The following CPSF7 variants were observed in gnomAD, a reference collection of about 807,000 sequenced individuals.
CPSF7 encodes the protein cleavage and polyadenylation specific factor 7.
A neutral mutation model predicts 44.3 loss-of-function variants in CPSF7; 1 was observed. The observed-to-expected ratio is 0.02, with a 90% CI of 0.01 to 0.11. The LOEUF (loss-of-function observed/expected upper bound fraction) is 0.11. Among genes scored for constraint, CPSF7 ranks in the 10% least tolerant of loss-of-function variants. CPSF7 has a pLI of 1.00. For missense variants in CPSF7, 443 were observed against 607.2 expected, an observed-to-expected ratio of 0.73 and a Z score of 2.84; for synonymous variants, 202 against 222.0, an observed-to-expected ratio of 0.91 and a Z score of 0.80.
At position 61,429,955 on chromosome 11, in the gene CPSF7, G is replaced by A. The variant is rs1211934945; in HGVS notation, c.-97C>T. On this transcript the variant is annotated 5_prime_UTR_variant, in exon 1 of 10. Coordinates refer to ENST00000439958, the MANE Select transcript of CPSF7 (RefSeq NM_001142565.3). Reference sequence around the variant, plus strand: ...GCGGCGGCGAGTCCGGACTAGGCCCGAAGCGCGCGAACCGCTCTCCGCCCC... The same window carrying A: ...GCGGCGGCGAGTCCGGACTAGGCCCAAAGCGCGCGAACCGCTCTCCGCCCC... 3 of 1,346,666 alleles carry A rather than the reference G, an allele frequency of 2.2e-6. No homozygotes were observed. The highest frequency in any genetic ancestry group is 5.2e-5 in the East Asian group (2 of 38,560). 83.4% of individuals were successfully genotyped at this position (1,346,666 alleles called of 1,614,324 possible).
At position 61,421,463 on chromosome 11, in the gene CPSF7, G is replaced by T. The variant is rs1260766633; in HGVS notation, c.200C>A (p.Thr67Asn). The T allele has an allele frequency of 1.9e-6, 3 of 1,614,080 alleles. No individual in the cohort carries two copies. The highest frequency in any genetic ancestry group is 2.5e-6 in the Non-Finnish European group (3 of 1,180,050). ...QEPSPKPNNK[T>N]PAILYTYSGL... ...ACTGTAGGTATACAGAATTGCAGGG[G>T]TCTTGTTGTTGGGCTTGGGAGATGG... Residue 67 changes from threonine to asparagine, a missense_variant, in exon 3 of 10, where the codon ACC becomes AAC. Transcript: ENST00000439958.
chr11:61,424,331 CTCTTCTAT>C (rs1177236313), intron 2 of CPSF7, among the ~76,000 whole-genome samples: 1 of 152,204 alleles, frequency 6.6e-6, no homozygotes, highest in African/African-American at 2.4e-5. Context: ...AGACAAATCA[CTCTTCTAT>C]TCATGTACCA....
chr11:61,422,581 TG>T (rs1390798134), intron 2 of CPSF7, among the ~76,000 whole-genome samples: 1 of 152,124 alleles, frequency 6.6e-6, no homozygotes, highest in African/African-American at 2.4e-5. Context: ...CCTCCCAAAG[TG>T]CCGGGATTAC....
In CPSF7 at chr11:61,416,398, G is replaced by A; in HGVS notation, c.645C>T (p.Tyr215=). The A allele has an allele frequency of 6.2e-7, 1 of 1,613,698 alleles. No homozygotes were observed. Among genetic ancestry groups the A allele is most frequent in the Admixed American group, 1.7e-5 (1 of 59,976 alleles). Residue 215 remains tyrosine, a synonymous_variant, in exon 6 of 10, where the codon TAC becomes TAT. Transcript: ENST00000439958. ...GAAGGGCCGAAGGAGGACGATTGAA[G>A]TAGGGCAGCACACTGGGGGGCTTAT... The part of the protein sequence containing the change: ...RVDKPPSVLP[Y]FNRPPSALPL...
Position 61,424,965 on chromosome 11 carries a change from G to C in CPSF7, c.55-3357C>G, listed in dbSNP as rs116370464. Among the ~76,000 whole-genome samples the C allele has an allele frequency of 7.6e-3, 1,150 of 152,308 alleles. 14 individuals carry two copies. The highest frequency in any genetic ancestry group is 0.027 in the South Asian group (131 of 4,826). Reference sequence around the variant, plus strand: ...GATTTGGACAGCTCAGAGACCAAATGCATCACCAGGAAACCCTTCGTACTA... The same window carrying C: ...GATTTGGACAGCTCAGAGACCAAATCCATCACCAGGAAACCCTTCGTACTA... On this transcript the variant is annotated intron_variant, in intron 2 of 9. Transcript: ENST00000439958.
At chr11:61,420,153 G>A in intron 4 of CPSF7, 59 bp from the exon 5 acceptor site, 2 of 1,383,812 alleles carry the variant, frequency 1.4e-6, no homozygotes, top group African/African-American at 2.9e-5. Flanking sequence ...GAAGAAAAAA[G>A]AAATTCTCTT....
At chr11:61,420,322 T>A (rs1432822053) in intron 4 of CPSF7, 148 bp downstream of exon 4, 3 of 720,028 alleles carry the variant, frequency 4.2e-6, no homozygotes, top group South Asian at 1.8e-5. Context: ...ACACTGCAGC[T>A]AGGTCCCTTT....
intron 1 of CPSF7, 165 bp downstream of exon 1, chr11:61,429,749 C>A (rs770705695): frequency 5.2e-6 from 8 of 1,545,890 alleles, no homozygotes; most frequent in South Asian, 1.2e-5. Flanking sequence ...CGCTCCCTCC[C>A]GACAAACCCG....
chr11:61,428,102 T>C (rs139427366), intron 2 of CPSF7, among the ~76,000 whole-genome samples: 154 of 152,334 alleles, frequency 1.0e-3, no homozygotes, highest in African/African-American at 3.6e-3. Flanking sequence ...ACGTTTTCAA[T>C]AGAAATTTTG....
rs759230141 is a variant in CPSF7 at position 61,429,290 on chromosome 11, A to G, written c.-55T>C. The G allele has an allele frequency of 1.5e-5, 24 of 1,597,764 alleles. No individual in the cohort carries two copies. In the Middle Eastern group the frequency reaches 6.6e-4, roughly 44 times the overall value. On this transcript the variant is annotated splice_region_variant and 5_prime_UTR_variant, in exon 2 of 10. Transcript: ENST00000439958. The stretch of plus-strand genomic sequence containing the variant: ...GGATGGACAAAGTAAGGAAGATGCC[A>G]CTGCGGGATTCGGAAAAATGCAAGA...
chr11:61,415,992 G>GA, intron 6 of CPSF7, 113 bp downstream of exon 6: 1 of 1,069,876 alleles, frequency 9.3e-7, no homozygotes, highest in Non-Finnish European at 1.3e-6. Flanking sequence ...TATGATAACA[G>GA]AATGTCTATA....
rs1860352460 is a variant in CPSF7, at chr11:61,416,495, C to T, written c.548G>A (p.Arg183Gln). The change falls in exon 6 of 10, where the codon CGA becomes CAA. Residue 183 changes from arginine (R) to glutamine (Q), a missense_variant. By Grantham distance (43) the Arg-to-Gln change is conservative (BLOSUM62 1). Transcript: ENST00000439958. The part of the protein sequence containing the change: ...RKRIPPRAHS[R>Q]DSSDSADGRA... ...TCCATCAGCAGAATCACTAGAATCT[C>T]GGGAATGGGCCCGTGGAGGTATTCC... 3.1e-6 allele frequency: 5 copies of T among 1,613,974 alleles called. No homozygotes were observed. Among genetic ancestry groups the T allele is most frequent in the Non-Finnish European group, 3.4e-6 (4 of 1,180,018 alleles).
At chr11:61,421,712 T>A in intron 2 of CPSF7, 104 bp from the exon 3 acceptor site, 1 of 814,864 alleles carries the variant, frequency 1.2e-6, no homozygotes, top group Non-Finnish European at 2.0e-6. Context: ...GTAAAACATG[T>A]ACAAAACTTC....
chr11:61,419,540 T>C (rs897907743), intron 5 of CPSF7, among the ~76,000 whole-genome samples: 1 of 152,232 alleles, frequency 6.6e-6, no homozygotes, highest in African/African-American at 2.4e-5. Context: ...TGCTTCTTGA[T>C]AATTTATAGA....
intron 1 of CPSF7, 27 bp downstream of exon 1, chr11:61,429,887 C>G: frequency 9.2e-6 from 14 of 1,519,992 alleles, no homozygotes; most frequent in Non-Finnish European, 1.2e-5. Flanking sequence ...CCGGCCCAAC[C>G]TGCCCCCGAC....
chr11:61,427,291 A>G (rs1230603522), intron 2 of CPSF7: 1 of 152,080 alleles, frequency 6.6e-6, no homozygotes, highest in East Asian at 1.9e-4. Context: ...TCAGGAAAAC[A>G]ATGATTTTGT....
Position 61,420,546 on chromosome 11 carries a change from C to T in CPSF7, c.301G>A (p.Val101Ile). 6.2e-7 allele frequency: 1 copy of T among 1,614,160 alleles called. No homozygotes were observed. The highest frequency in any genetic ancestry group is 8.5e-7 in the Non-Finnish European group (1 of 1,180,016). Residue 101 changes from valine (V) to isoleucine (I), a missense_variant, in exon 4 of 10, where the codon GTT (valine) becomes ATT (isoleucine). Val to Ile is a conservative substitution (Grantham distance 29). Transcript: ENST00000439958. The stretch of plus-strand genomic sequence containing the variant: ...TCATAGACTCCTATAGAGCGAATAA[C>T]CTGGATCAGCTGCTGGTCTGTGGTC... ...WWTTDQQLIQVIRSIGVYDVV... is the reference protein window; with the variant it reads ...WWTTDQQLIQIIRSIGVYDVV...
chr11:61,425,992 G>A (rs1201250807), intron 2 of CPSF7, among the ~76,000 whole-genome samples: 1 of 152,204 alleles, frequency 6.6e-6, no homozygotes. Context: ...ACTCCCAGCA[G>A]AGCAACTGAT....
chr11:61,413,185 A>G (rs1433137198), intron 7 of CPSF7, among the ~76,000 whole-genome samples: 2 of 152,062 alleles, frequency 1.3e-5, no homozygotes, highest in African/African-American at 2.4e-5. Context: ...TGGGCCTCCT[A>G]AAGTGCTGGG....
Sources: gnomAD v4.1 joint callset for allele counts (sites outside exome capture counted in the v4.1 genomes callset) on GRCh38, gnomAD v4.1.1 for gene constraint, MANE v1.5 for transcripts, NCBI Gene and HGNC (gene_info 2026-07-23, HGNC 2026-07-21) for gene names.